The following ERCC6L2 variants were observed in gnomAD, a reference collection of about 807,000 sequenced individuals.
The protein encoded by ERCC6L2 is ERCC excision repair 6 like 2.
ERCC6L2 carries 77 observed loss-of-function variants against 132.0 expected under a neutral mutation model. The observed-to-expected ratio is 0.58, with a 90% CI of 0.49 to 0.71. ERCC6L2 has a LOEUF of 0.71. Ranked by LOEUF, ERCC6L2 falls within the 30% of genes least tolerant of loss-of-function variation. The pLI is 0.00. For missense variants in ERCC6L2, 1,542 were observed against 1,837.6 expected (o/e 0.84, Z 2.94); for synonymous variants, 583 against 632.4 (o/e 0.92, Z 1.17).
At chr9:95,911,307 C>T (rs183667625) in intron 4 of ERCC6L2, among the ~76,000 whole-genome samples, 1 of 152,106 alleles carries the variant, frequency 6.6e-6, no homozygotes, top group African/African-American at 2.4e-5. Flanking sequence ...TTATTTCTTA[C>T]CTGTCTGTCC....
Position 95,972,522 on chromosome 9 carries a change from C to T in ERCC6L2, c.2771C>T (p.Pro924Leu), listed in dbSNP as rs1223487175. 3 of 1,289,652 alleles carry T rather than the reference C, an allele frequency of 2.3e-6. No individual in the cohort carries two copies. The highest frequency in any genetic ancestry group is 3.0e-6 in the Non-Finnish European group (3 of 988,864). 79.9% of individuals were successfully genotyped at this position (1,289,652 alleles called of 1,614,324 possible). A position where few individuals can be genotyped will look rare whatever the true frequency, so the allele number is the denominator to read the frequency against. ...FPDNSIRFKP[P>L]LEGSEDSETE... ...GACAATAGTATAAGGTTTAAGCCAC[C>T]CTTGGAAGGATCTGAGGATTCTGAA... The change falls in exon 16 of 19, where the codon CCC becomes CTC. Residue 924 changes from proline to leucine, a missense_variant. Physicochemically the swap from Pro to Leu is moderately conservative, Grantham distance 98. Around this residue, in one of 4 missense-constraint regions of ERCC6L2, gnomAD observed 945 missense variants for 1,105.2 expected, o/e 0.86. Transcript: ENST00000653738.
chr9:95,973,360 G>A (rs1244801606), intron 16 of ERCC6L2, among the ~76,000 whole-genome samples: 1 of 152,092 alleles, frequency 6.6e-6, no homozygotes, highest in Non-Finnish European at 1.5e-5. Flanking sequence ...AGCCTCTATA[G>A]TAATTACTTA....
At chr9:95,978,288 CTAAG>C (rs1433813742) in intron 17 of ERCC6L2, 73 bp downstream of exon 17, 11 of 965,540 alleles carry the variant, frequency 1.1e-5, no homozygotes, top group Non-Finnish European at 1.5e-5. Flanking sequence ...AGGATCTTCT[CTAAG>C]TACTCCCTCA....
Position 96,016,061 on chromosome 9 carries a change from G to A in ERCC6L2, c.*2858G>A, listed in dbSNP as rs1239817802. 6.6e-6 allele frequency among the ~76,000 whole-genome samples: 1 copy of A among 152,110 alleles called. No individual in the cohort carries two copies. The highest frequency in any genetic ancestry group is 6.5e-5 in the Admixed American group (1 of 15,284). On this transcript the variant is annotated 3_prime_UTR_variant, in exon 19 of 19. Transcript: ENST00000653738. The stretch of plus-strand genomic sequence containing the variant: ...TGACCTGAGAACAGACACTAGGAAG[G>A]TTTGACAAGATCCTTCCTACCCCCA...
At chr9:95,933,355 C>T (rs1039673260) in intron 11 of ERCC6L2, among the ~76,000 whole-genome samples, 1 of 152,140 alleles carries the variant, frequency 6.6e-6, no homozygotes, top group Non-Finnish European at 1.5e-5. Flanking sequence ...TCAGTCAAGT[C>T]TCTATGACAT....
At chr9:95,897,736 C>T in intron 2 of ERCC6L2, 113 bp from the exon 3 acceptor site, 1 of 1,071,616 alleles carries the variant, frequency 9.3e-7, no homozygotes, top group South Asian at 1.5e-5. Flanking sequence ...CTATTTCCCC[C>T]AACAAATCTC....
At chr9:96,027,523 A>C (rs1164835617) in intron 19 of ERCC6L2, 1 of 152,082 alleles carries the variant, frequency 6.6e-6, no homozygotes, top group East Asian at 1.9e-4. Context: ...TGGAAAGTTG[A>C]GGCGGAACCG....
chr9:95,928,814 A>G lies in ERCC6L2; in HGVS notation c.1701A>G (p.Val567=), dbSNP rs763830300. The change falls in exon 11 of 19, where the codon GTA becomes GTG. Residue 567 remains valine (V), a synonymous_variant. Transcript: ENST00000653738. ...AATCAGAGGAAAGACTCAAGATTGT[A>G]AAAGAGTTCAACAGTACACAAGATG... The part of the protein sequence containing the change: ...STKSEERLKI[V]KEFNSTQDVN... The G allele has an allele frequency of 6.2e-7, 1 of 1,612,750 alleles. No homozygotes were observed. Among genetic ancestry groups the G allele is most frequent in the Non-Finnish European group, 8.5e-7 (1 of 1,179,224 alleles).
intron 2 of ERCC6L2, among the ~76,000 whole-genome samples, chr9:95,891,522 T>G (rs1396775346): frequency 3.3e-5 from 5 of 152,220 alleles, no homozygotes; most frequent in Admixed American, 6.5e-5. Context: ...TGTGAACATT[T>G]GTATGCAAAC....
intron 17 of ERCC6L2, among the ~76,000 whole-genome samples, chr9:95,980,083 G>A (rs1448400389): frequency 1.3e-5 from 2 of 152,156 alleles, no homozygotes; most frequent in East Asian, 3.9e-4. Flanking sequence ...CAATTGATCT[G>A]AGAAGCAACC....
intron 17 of ERCC6L2, among the ~76,000 whole-genome samples, chr9:95,979,102 G>C (rs768741950): frequency 6.6e-6 from 1 of 152,166 alleles, no homozygotes; most frequent in Non-Finnish European, 1.5e-5. Context: ...CAAATGCATA[G>C]AACATAATAT....
At chr9:95,894,473 G>A (rs183274776) in intron 2 of ERCC6L2, among the ~76,000 whole-genome samples, 180 of 150,790 alleles carry the variant, frequency 1.2e-3, no homozygotes, top group African/African-American at 4.2e-3. Context: ...GAGATTTTCT[G>A]CTTATATTTT....
chr9:95,884,207 T>C (rs1328578969), intron 2 of ERCC6L2, among the ~76,000 whole-genome samples: 1 of 152,182 alleles, frequency 6.6e-6, no homozygotes, highest in Admixed American at 6.5e-5. Context: ...TGCACTAATT[T>C]TGATACTCAG....
chr9:95,964,611 G>A (rs759500422), intron 13 of ERCC6L2, among the ~76,000 whole-genome samples: 6 of 152,068 alleles, frequency 3.9e-5, no homozygotes, highest in Non-Finnish European at 5.9e-5. Flanking sequence ...ATGGAAGAAC[G>A]GCCATGAACT....
intron 2 of ERCC6L2, among the ~76,000 whole-genome samples, chr9:95,883,456 A>C (rs1490423771): frequency 6.6e-6 from 1 of 152,206 alleles, no homozygotes; most frequent in African/African-American, 2.4e-5. Flanking sequence ...AAATTAATAA[A>C]TTAATTAAAG....
rs1364849302 is a variant in ERCC6L2, at chr9:95,972,560, G to A, written c.2809G>A (p.Val937Ile). 4 of 1,289,406 alleles carry A rather than the reference G, an allele frequency of 3.1e-6. No homozygotes were observed. The highest frequency in any genetic ancestry group is 2.3e-5 in the Admixed American group (1 of 43,432). The allele number at this position is 1,289,406 out of a possible 1,614,324, so 79.9% of individuals were successfully genotyped here. The change falls in exon 16 of 19, where the codon GTA becomes ATA. Residue 937 changes from valine to isoleucine, a missense_variant. By Grantham distance (29) the Val-to-Ile change is conservative. Coordinates refer to ENST00000653738, the MANE Select transcript of ERCC6L2 (RefSeq NM_020207.7). Reference protein sequence around the residue: ...GSEDSETEHTVKTRNNDNSRN... With the variant: ...GSEDSETEHTIKTRNNDNSRN... ...TGAGGATTCTGAAACAGAACACACT[G>A]TAAAAACAAGAAATAATGATAATAG...
Position 95,941,474 on chromosome 9 carries a change from A to G in ERCC6L2, c.1772A>G (p.Asn591Ser), listed in dbSNP as rs781374501. The change falls in exon 12 of 19, where the codon AAT becomes AGT. Residue 591 changes from asparagine to serine, a missense_variant. Around this residue, in one of 4 missense-constraint regions of ERCC6L2, gnomAD observed 945 missense variants for 1,105.2 expected, o/e 0.86. Coordinates refer to ENST00000653738, the MANE Select transcript of ERCC6L2 (RefSeq NM_020207.7). The stretch of plus-strand genomic sequence containing the variant: ...TCCAGGGCTGGTGGACTAGGCCTCA[A>G]TTTTGTCGGTGCCAATGTTGTTGTA... ...VSTMAGGLGL[N>S]FVGANVVVLF... 29 of 1,612,736 alleles carry G rather than the reference A, an allele frequency of 1.8e-5. No individual in the cohort carries two copies. The African/African-American group carries it at 1.9e-4, about 10-fold the overall frequency.
At chr9:95,976,831 A>G (rs899320160) in intron 16 of ERCC6L2, among the ~76,000 whole-genome samples, 10 of 152,196 alleles carry the variant, frequency 6.6e-5, no homozygotes, top group African/African-American at 2.4e-4. Flanking sequence ...CAAAAACTAT[A>G]TGAAAGAAGC....
chr9:95,893,239 T>C (rs1443813103), intron 2 of ERCC6L2, among the ~76,000 whole-genome samples: 1 of 152,222 alleles, frequency 6.6e-6, no homozygotes, highest in Non-Finnish European at 1.5e-5. Flanking sequence ...ACCTAGCTGA[T>C]AACTACCTAA....
Sources: allele counts gnomAD v4.1 joint callset (sites outside exome capture counted in the v4.1 genomes callset), GRCh38; gene constraint gnomAD v4.1.1; regional missense constraint gnomAD v4.1.1; transcripts MANE v1.5; gene names NCBI Gene and HGNC (gene_info 2026-07-23, HGNC 2026-07-21).